NFAT5: variants seen among roughly 807,000 people sequenced by gnomAD.
The protein encoded by NFAT5 is nuclear factor of activated T cells 5.
In NFAT5, 31 loss-of-function variants were observed where a neutral mutation model predicts 166.5. The observed-to-expected ratio is 0.19, with a 90% CI of 0.14 to 0.25. The LOEUF (loss-of-function observed/expected upper bound fraction) is 0.25, where lower values mean the gene tolerates loss of function less well. Ranked by LOEUF, NFAT5 falls within the 10% of genes least tolerant of loss-of-function variation. The pLI, the probability that NFAT5 is intolerant of heterozygous loss-of-function variation, is 1.00. For missense variants in NFAT5, 1,449 were observed against 1,821.8 expected, an observed-to-expected ratio of 0.80 and a Z score of 3.72; for synonymous variants, 612 against 639.7, an observed-to-expected ratio of 0.96 and a Z score of 0.65.
At chr16:69,571,414 G>T (rs1354551843) in intron 2 of NFAT5, among the ~76,000 whole-genome samples, 1 of 152,052 alleles carries the variant, frequency 6.6e-6, no homozygotes. Context: ...GCAATTGAAG[G>T]CATAACTCAC....
At chr16:69,572,927 C>G (rs2016526541) in intron 2 of NFAT5, among the ~76,000 whole-genome samples, 1 of 152,194 alleles carries the variant, frequency 6.6e-6, no homozygotes, top group Admixed American at 6.5e-5. Flanking sequence ...ACTGCAACCT[C>G]TGCCTCCTGG....
At chr16:69,626,766 G>T (rs1352654036) in intron 3 of NFAT5, among the ~76,000 whole-genome samples, 1 of 152,114 alleles carries the variant, frequency 6.6e-6, no homozygotes, top group South Asian at 2.1e-4. Flanking sequence ...AATGGACCTT[G>T]TCTTCAAATA....
chr16:69,566,408 C>T lies in NFAT5; in HGVS notation c.73+34C>T, dbSNP rs1278683024. On this transcript the variant is annotated intron_variant, in intron 1 of 14. Transcript: ENST00000349945. This position sits in a 1 kb window ranked among gnomAD's most constrained non-coding sequence, Gnocchi z 5.7. ...GGCTGTGGGGGGTGGGGCGTGGGGG[C>T]GGGGAGACAGGGAGACAGGGAGACA... 2 of 515,520 alleles carry T rather than the reference C, an allele frequency of 3.9e-6. No homozygotes were observed. The highest frequency in any genetic ancestry group is 7.2e-6 in the Non-Finnish European group (2 of 276,894). The allele number at this position is 515,520 out of a possible 1,614,324, so 31.9% of individuals were successfully genotyped here.
At chr16:69,605,494 C>T (rs1275903417) in intron 2 of NFAT5, among the ~76,000 whole-genome samples, 2 of 152,168 alleles carry the variant, frequency 1.3e-5, no homozygotes, top group East Asian at 3.8e-4. Context: ...ACATTTGTAT[C>T]ATAGCATCTT....
intron 11 of NFAT5, 81 bp downstream of exon 11, chr16:69,685,051 T>C: frequency 1.2e-6 from 1 of 848,782 alleles, no homozygotes; most frequent in Non-Finnish European, 1.9e-6. Flanking sequence ...TTTTGTTTTC[T>C]CTTAGGTACT....
At chr16:69,637,035 T>A (rs1305002044) in intron 3 of NFAT5, among the ~76,000 whole-genome samples, 2 of 152,240 alleles carry the variant, frequency 1.3e-5, no homozygotes, top group Non-Finnish European at 2.9e-5. Flanking sequence ...CCAAGTCACC[T>A]AATGAATACT....
In NFAT5 at chr16:69,704,088, T is replaced by C. The variant is rs1182550282; in HGVS notation, c.*7737T>C. The C allele has an allele frequency of 6.6e-6, 1 of 152,594 alleles. No individual in the cohort carries two copies. The highest frequency in any genetic ancestry group is 6.5e-5 in the Admixed American group (1 of 15,274). The allele number at this position is 152,594 out of a possible 1,614,324, so 9.5% of individuals were successfully genotyped here. A position where few individuals can be genotyped will look rare whatever the true frequency, so the allele number is the denominator to read the frequency against. On this transcript the variant is annotated 3_prime_UTR_variant, in exon 15 of 15. Coordinates refer to ENST00000349945, the MANE Select transcript of NFAT5 (RefSeq NM_138713.4). ...CTTGGAATCAGACTTCTGTGTCCAG[T>C]AAAAAACTCCTGCACTGAAGTCATT...
At chr16:69,571,891 C>T (rs1337480304) in intron 2 of NFAT5, among the ~76,000 whole-genome samples, 1 of 152,088 alleles carries the variant, frequency 6.6e-6, no homozygotes, top group Non-Finnish European at 1.5e-5. Context: ...TCCTGAGTAG[C>T]TGGGACTACA....
intron 5 of NFAT5, among the ~76,000 whole-genome samples, chr16:69,653,683 A>G (rs769344144): frequency 3.3e-5 from 5 of 151,040 alleles, no homozygotes; most frequent in Admixed American, 1.3e-4. Context: ...GCAAGTAATC[A>G]TGCCTCAGCC....
intron 3 of NFAT5, among the ~76,000 whole-genome samples, chr16:69,643,448 AT>A (rs34235987): frequency 0.24 from 36,064 of 151,530 alleles, 4,629 homozygotes; most frequent in East Asian, 0.45. Flanking sequence ...GATATTAAGG[AT>A]TTTTTTCATG....
At chr16:69,610,171 G>C (rs1385862670) in intron 2 of NFAT5, among the ~76,000 whole-genome samples, 1 of 152,178 alleles carries the variant, frequency 6.6e-6, no homozygotes, top group Non-Finnish European at 1.5e-5. Context: ...AGTGATTTTT[G>C]TTAATCAGAA....
At chr16:69,686,505 G>C (rs2037311607) in intron 11 of NFAT5, among the ~76,000 whole-genome samples, 1 of 151,962 alleles carries the variant, frequency 6.6e-6, no homozygotes, top group Non-Finnish European at 1.5e-5. Flanking sequence ...CATGGGCAAA[G>C]GAACAAGGTT....
chr16:69,586,490 C>T (rs1294181802), intron 2 of NFAT5, among the ~76,000 whole-genome samples: 3 of 152,052 alleles, frequency 2.0e-5, no homozygotes, highest in Admixed American at 1.3e-4. Flanking sequence ...GTAACCTCCA[C>T]CTCCCAGGTT....
intron 2 of NFAT5, among the ~76,000 whole-genome samples, chr16:69,618,302 A>T (rs2034050397): frequency 6.6e-6 from 1 of 152,246 alleles, no homozygotes; most frequent in Non-Finnish European, 1.5e-5. Flanking sequence ...ACAGCCTGGC[A>T]GAAGTGCTAT....
intron 6 of NFAT5, 49 bp from the exon 7 acceptor site, chr16:69,659,678 A>G (rs1257509209): frequency 7.0e-7 from 1 of 1,422,798 alleles, no homozygotes; most frequent in South Asian, 1.5e-5. Flanking sequence ...AGAACATTAT[A>G]CTATTTATAC....
At chr16:69,695,435 C>CCTAAATCTGTTA in intron 14 of NFAT5, 56 bp downstream of exon 14, 1 of 1,264,604 alleles carries the variant, frequency 7.9e-7, no homozygotes, top group Non-Finnish European at 1.1e-6. Flanking sequence ...TTCTTCTTAA[C>CCTAAATCTGTTA]AGATTTAGGT....
intron 3 of NFAT5, among the ~76,000 whole-genome samples, chr16:69,628,172 A>G (rs1297633346): frequency 2.0e-5 from 3 of 151,538 alleles, no homozygotes; most frequent in Non-Finnish European, 4.4e-5. Flanking sequence ...AAATTCTTAT[A>G]TATATAAAAA....
rs1026701471 is a variant in NFAT5 at position 69,565,979 on chromosome 16, C to CGGCGGCGGCGGT, written c.-315_-304dup. The stretch of plus-strand genomic sequence containing the variant: ...GGGGCGGGGCTCAGATTCCTGTCAG[C>CGGCGGCGGCGGT]GGCGGCGGCGGTGGCGGCGACCGTC... On this transcript the variant is annotated 5_prime_UTR_variant, in exon 1 of 15. Transcript: ENST00000349945. 3.3e-6 allele frequency: 1 copy of CGGCGGCGGCGGT among 304,494 alleles called. No individual in the cohort carries two copies. Among genetic ancestry groups the CGGCGGCGGCGGT allele is most frequent in the Non-Finnish European group, 6.1e-6 (1 of 164,438 alleles). The allele number at this position is 304,494 out of a possible 1,614,324, so 18.9% of individuals were successfully genotyped here.
At chr16:69,642,519 G>GA (rs1399226007) in intron 3 of NFAT5, among the ~76,000 whole-genome samples, 6 of 151,850 alleles carry the variant, frequency 4.0e-5, no homozygotes, top group Non-Finnish European at 8.8e-5. Context: ...AAATGCTTTA[G>GA]AAAAAATAAA....
Sources: allele counts gnomAD v4.1 joint callset (sites outside exome capture counted in the v4.1 genomes callset), GRCh38; gene constraint gnomAD v4.1.1; non-coding constraint Gnocchi (gnomAD v3.1); transcripts MANE v1.5; gene names NCBI Gene and HGNC (gene_info 2026-07-23, HGNC 2026-07-21).